The following FSTL5 variants were observed in gnomAD, a reference collection of about 807,000 sequenced individuals.
FSTL5 encodes follistatin-related protein 5.
In FSTL5, 62 loss-of-function variants were observed where a neutral mutation model predicts 89.1. The observed-to-expected ratio is 0.70, with a 90% CI of 0.57 to 0.86. The LOEUF (loss-of-function observed/expected upper bound fraction) is 0.86. FSTL5 is among the 40% of genes least tolerant of loss of function. The pLI, the probability that FSTL5 is intolerant of heterozygous loss-of-function variation, is 0.00. For missense variants in FSTL5, 1,057 were observed against 1,001.6 expected (o/e 1.06, Z -0.75); for synonymous variants, 383 against 346.2 (o/e 1.11, Z -1.18).
At chr4:161,860,244 C>T (rs1400458154) in intron 4 of FSTL5, among the ~76,000 whole-genome samples, 5 of 152,008 alleles carry the variant, frequency 3.3e-5, no homozygotes, top group East Asian at 3.9e-4. Context: ...GAGGAGATCG[C>T]GCCACTGCAC....
At chr4:161,793,958 A>T (rs1729553649) in intron 4 of FSTL5, among the ~76,000 whole-genome samples, 1 of 152,156 alleles carries the variant, frequency 6.6e-6, no homozygotes, top group South Asian at 2.1e-4. Context: ...ATTACTTGGT[A>T]TATATAAGAA....
chr4:161,976,924 GA>G (rs1222016254), intron 3 of FSTL5, among the ~76,000 whole-genome samples: 1 of 152,100 alleles, frequency 6.6e-6, no homozygotes, highest in Non-Finnish European at 1.5e-5. Flanking sequence ...TTGATATCAA[GA>G]AAACCAATTT....
chr4:161,917,623 G>A (rs888105723), intron 4 of FSTL5, among the ~76,000 whole-genome samples: 3 of 152,042 alleles, frequency 2.0e-5, no homozygotes, highest in Non-Finnish European at 4.4e-5. Context: ...TGCCACATAT[G>A]TAAGTCTCTG....
intron 1 of FSTL5, among the ~76,000 whole-genome samples, chr4:162,132,781 C>T (rs1434525049): frequency 6.6e-6 from 1 of 152,142 alleles, no homozygotes. Context: ...GTGAAGCTAC[C>T]TCCATTTTAT....
intron 1 of FSTL5, among the ~76,000 whole-genome samples, chr4:162,162,253 A>T (rs948362662): frequency 6.6e-6 from 1 of 152,184 alleles, no homozygotes; most frequent in East Asian, 1.9e-4. Context: ...TAATGCAACT[A>T]GAGTAGAAAT....
chr4:162,049,418 A>G (rs1490141196), intron 2 of FSTL5, among the ~76,000 whole-genome samples: 1 of 152,180 alleles, frequency 6.6e-6, no homozygotes, highest in Non-Finnish European at 1.5e-5. Context: ...GTATTCTTCC[A>G]CCTACTCTAT....
intron 6 of FSTL5, among the ~76,000 whole-genome samples, chr4:161,722,014 T>G (rs570839462): frequency 3.3e-5 from 5 of 152,290 alleles, no homozygotes; most frequent in Non-Finnish European, 7.4e-5. Context: ...TAACATCTTC[T>G]TATACATAAT....
At chr4:161,568,772 G>T (rs113574061) in intron 8 of FSTL5, among the ~76,000 whole-genome samples, 2 of 152,176 alleles carry the variant, frequency 1.3e-5, no homozygotes, top group African/African-American at 4.8e-5. Flanking sequence ...CAGTTTTTTT[G>T]TTGTTGTTGT....
intron 15 of FSTL5, among the ~76,000 whole-genome samples, chr4:161,428,000 G>A (rs1732222027): frequency 6.6e-6 from 1 of 152,148 alleles, no homozygotes; most frequent in African/African-American, 2.4e-5. Flanking sequence ...AGACAGTCTT[G>A]AATTCCAAGG....
chr4:162,004,301 TC>T (rs1736550096), intron 3 of FSTL5, among the ~76,000 whole-genome samples: 1 of 152,200 alleles, frequency 6.6e-6, no homozygotes, highest in Admixed American at 6.5e-5. Context: ...TTAACTACTT[TC>T]TTTCACTTAT....
At chr4:161,837,857 C>T (rs1324594220) in intron 4 of FSTL5, among the ~76,000 whole-genome samples, 3 of 152,096 alleles carry the variant, frequency 2.0e-5, no homozygotes, top group Admixed American at 6.6e-5. Flanking sequence ...AATGCTGACT[C>T]ACTTGAAATT....
rs1289345493 is a variant in FSTL5, at chr4:162,117,372, C to G, written c.-16-5960G>C. Among the ~76,000 whole-genome samples the G allele has an allele frequency of 2.0e-5, 3 of 152,108 alleles. No homozygotes were observed. In the East Asian group the frequency reaches 5.8e-4, roughly 29 times the overall value. On this transcript the variant is annotated intron_variant, in intron 1 of 15. Coordinates refer to ENST00000306100, the MANE Select transcript of FSTL5 (RefSeq NM_020116.5). ...GGTTTGGGAGAGCAAATGGCATTTT[C>G]TTTTTGGAGATGCCTTTTGGTAGTC...
At chr4:161,730,880 C>A (rs1456904642) in intron 6 of FSTL5, among the ~76,000 whole-genome samples, 2 of 152,124 alleles carry the variant, frequency 1.3e-5, no homozygotes, top group African/African-American at 4.8e-5. Context: ...CACGAATATT[C>A]TTTTATCAAA....
chr4:162,152,222 G>T (rs1290902081), intron 1 of FSTL5, among the ~76,000 whole-genome samples: 1 of 152,178 alleles, frequency 6.6e-6, no homozygotes, highest in Non-Finnish European at 1.5e-5. Flanking sequence ...GTCATGAATT[G>T]TAAAGAAGTA....
At chr4:161,980,144 A>C (rs113282347) in intron 3 of FSTL5, among the ~76,000 whole-genome samples, 41 of 88,758 alleles carry the variant, frequency 4.6e-4, no homozygotes, top group African/African-American at 2.5e-3. Flanking sequence ...AAGAGAAAAG[A>C]AGGATAAAGA....
At chr4:161,697,257 CTT>C (rs539718470) in intron 6 of FSTL5, among the ~76,000 whole-genome samples, 19 of 152,236 alleles carry the variant, frequency 1.2e-4, no homozygotes, top group Non-Finnish European at 2.4e-4. Flanking sequence ...ATTTACCAGA[CTT>C]TTTTTGTCAA....
chr4:161,913,495 C>T (rs1733755969), intron 4 of FSTL5, among the ~76,000 whole-genome samples: 1 of 152,178 alleles, frequency 6.6e-6, no homozygotes, highest in Admixed American at 6.5e-5. Flanking sequence ...CCTGCGTGTG[C>T]ACAGAAGTCA....
intron 8 of FSTL5, among the ~76,000 whole-genome samples, chr4:161,556,846 G>GTATATATATATATATATATATATATA (rs561942481): frequency 1.1e-4 from 16 of 142,710 alleles, no homozygotes; most frequent in Non-Finnish European, 1.1e-4. Context: ...GTGTGTGTGT[G>GTATATATATATATATATATATATATA]TATATATATA....
At chr4:161,774,031 A>C (rs960519665) in intron 5 of FSTL5, among the ~76,000 whole-genome samples, 1 of 152,026 alleles carries the variant, frequency 6.6e-6, no homozygotes, top group Non-Finnish European at 1.5e-5. Context: ...GGAGGACGAG[A>C]CTGGTGGATC....
Sources: gnomAD v4.1 joint callset for allele counts (sites outside exome capture counted in the v4.1 genomes callset) on GRCh38, gnomAD v4.1.1 for gene constraint, MANE v1.5 for transcripts, NCBI Gene and HGNC (gene_info 2026-07-23, HGNC 2026-07-21) for gene names.